Variants in DYNC1LI1 observed in about 807,000 individuals in gnomAD.
DYNC1LI1 encodes the protein dynein cytoplasmic 1 light intermediate chain 1.
DYNC1LI1 carries 19 observed loss-of-function variants against 63.8 expected under a neutral mutation model. That is an observed-to-expected ratio of 0.30 (90% CI 0.21 to 0.44). DYNC1LI1 has a LOEUF of 0.44. Among genes scored for constraint, DYNC1LI1 ranks in the 20% least tolerant of loss-of-function variants. The probability of loss-of-function intolerance (pLI) is 1.00; values close to 1 mark genes in which losing one functional copy is unlikely to be tolerated. For missense variants in DYNC1LI1, 565 were observed against 630.2 expected (o/e 0.90, Z 1.11); for synonymous variants, 225 against 232.3 (o/e 0.97, Z 0.28).
rs138620296 is a variant in DYNC1LI1, at chr3:32,558,121, C to A, written c.221-12156G>T. Among the ~76,000 whole-genome samples, 48 of 152,228 alleles carry A rather than the reference C, an allele frequency of 3.2e-4. 1 individual carries two copies. Among genetic ancestry groups the A allele is most frequent in the African/African-American group, 9.9e-4 (41 of 41,530 alleles). ...TGGTGGCACACACCTGTAGCCCCAGCTACTCAGGAGGCTGAGGTGGGAGAT... is the reference window on the plus strand; with the variant it reads ...TGGTGGCACACACCTGTAGCCCCAGATACTCAGGAGGCTGAGGTGGGAGAT... On this transcript the variant is annotated intron_variant, in intron 2 of 12. Transcript: ENST00000273130.
At chr3:32,569,817 A>T (rs1164887273) in intron 2 of DYNC1LI1, among the ~76,000 whole-genome samples, 2 of 152,226 alleles carry the variant, frequency 1.3e-5, no homozygotes, top group African/African-American at 2.4e-5. Context: ...TACAAATTTC[A>T]GAATTATATG....
chr3:32,554,863 A>ATTTTTTTTTTTTTTT (rs11434502), intron 2 of DYNC1LI1, among the ~76,000 whole-genome samples: 1 of 104,722 alleles, frequency 9.5e-6, no homozygotes, highest in Non-Finnish European at 1.8e-5. Context: ...AAATTTTTGA[A>ATTTTTTTTTTTTTTT]TTTTTTTTTT....
intron 6 of DYNC1LI1, among the ~76,000 whole-genome samples, 164 bp downstream of exon 6, chr3:32,536,847 T>C (rs1697780979): frequency 6.6e-6 from 1 of 152,102 alleles, no homozygotes; most frequent in African/African-American, 2.4e-5. Flanking sequence ...TCTCAAAATA[T>C]CCAAATGTAA....
At chr3:32,553,387 C>A (rs1698070258) in intron 2 of DYNC1LI1, among the ~76,000 whole-genome samples, 1 of 152,126 alleles carries the variant, frequency 6.6e-6, no homozygotes, top group African/African-American at 2.4e-5. Context: ...GCTATCAATT[C>A]AGTTGCAGCC....
chr3:32,554,802 A>G (rs1480135135), intron 2 of DYNC1LI1, among the ~76,000 whole-genome samples: 1 of 151,728 alleles, frequency 6.6e-6, no homozygotes, highest in African/African-American at 2.4e-5. Flanking sequence ...ATTTCTATCA[A>G]CCACTCTTCC....
At chr3:32,543,036 G>C (rs532387595) in intron 4 of DYNC1LI1, among the ~76,000 whole-genome samples, 100 of 152,274 alleles carry the variant, frequency 6.6e-4, no homozygotes, top group African/African-American at 2.4e-3. Flanking sequence ...ACAGATTACT[G>C]TTTCCACCCT....
In DYNC1LI1 at chr3:32,570,352, G is replaced by T; in HGVS notation, c.214C>A (p.Leu72Met). The T allele has an allele frequency of 2.5e-6, 4 of 1,601,258 alleles. No individual in the cohort carries two copies. Among genetic ancestry groups the T allele is most frequent in the Non-Finnish European group, 3.4e-6 (4 of 1,174,436 alleles). Residue 72 changes from leucine (L) to methionine (M), a missense_variant, in exon 2 of 13, where the codon CTG (leucine) becomes ATG (methionine). By Grantham distance (15) the Leu-to-Met change is conservative (BLOSUM62 2). Transcript: ENST00000273130. Reference sequence around the variant, plus strand: ...CGAGGCAGGGAACACTTACCCAGCAGTAGCACGTTCTTCCCCGCAGGGAGC... The same window carrying T: ...CGAGGCAGGGAACACTTACCCAGCATTAGCACGTTCTTCCCCGCAGGGAGC... ...SKLPAGKNVLLLGEDGAGKTS... is the reference protein window; with the variant it reads ...SKLPAGKNVLMLGEDGAGKTS...
At chr3:32,567,940 G>A (rs1290909047) in intron 2 of DYNC1LI1, among the ~76,000 whole-genome samples, 1 of 151,926 alleles carries the variant, frequency 6.6e-6, no homozygotes, top group East Asian at 1.9e-4. Context: ...CTAACTTCAG[G>A]TGATCCGCTC....
At position 32,563,445 on chromosome 3, in the gene DYNC1LI1, C is replaced by T. The variant is rs547902234; in HGVS notation, c.220+6901G>A. ...TGGCTGGGATTACAGGCACCCATCACCACACCTGGCTAATTTTTCTGTTTT... is the reference window on the plus strand; with the variant it reads ...TGGCTGGGATTACAGGCACCCATCATCACACCTGGCTAATTTTTCTGTTTT... On this transcript the variant is annotated intron_variant, in intron 2 of 12. Coordinates refer to ENST00000273130, the MANE Select transcript of DYNC1LI1 (RefSeq NM_016141.4). 2.6e-5 allele frequency among the ~76,000 whole-genome samples: 4 copies of T among 152,118 alleles called. No individual in the cohort carries two copies. In the South Asian group the frequency reaches 8.3e-4, roughly 32 times the overall value.
chr3:32,554,931 G>A (rs955760783), intron 2 of DYNC1LI1, among the ~76,000 whole-genome samples: 26 of 138,690 alleles, frequency 1.9e-4, no homozygotes, highest in Non-Finnish European at 3.0e-4. Flanking sequence ...GTGCAATAGC[G>A]CAATCTTGGC....
intron 2 of DYNC1LI1, among the ~76,000 whole-genome samples, chr3:32,547,471 TA>T (rs199703953): frequency 6.6e-6 from 1 of 151,288 alleles, no homozygotes; most frequent in Non-Finnish European, 1.5e-5. Context: ...CATGTTAAGC[TA>T]AAAAAAACAT....
rs1014679796 is a variant in DYNC1LI1, at chr3:32,526,084, T to G, written c.*715A>C. Reference sequence around the variant, plus strand: ...AGCCATATATATATATATATATGTATAGACAAATCCAAAGATTGTTACTTC... The same window carrying G: ...AGCCATATATATATATATATATGTAGAGACAAATCCAAAGATTGTTACTTC... On this transcript the variant is annotated 3_prime_UTR_variant, in exon 13 of 13. Transcript: ENST00000273130. The G allele has an allele frequency of 3.9e-5, 6 of 152,608 alleles. No homozygotes were observed. Among genetic ancestry groups the G allele is most frequent in the Non-Finnish European group, 5.9e-5 (4 of 68,018 alleles). The allele number at this position is 152,608 out of a possible 1,614,324, so 9.5% of individuals were successfully genotyped here.
Position 32,528,482 on chromosome 3 carries a change from C to A in DYNC1LI1, c.1426G>T (p.Gly476Ter). 6.2e-7 allele frequency: 1 copy of A among 1,614,104 alleles called. No homozygotes were observed. The highest frequency in any genetic ancestry group is 1.1e-5 in the South Asian group (1 of 91,080). Residue 476 changes from glycine to a stop codon, truncating the protein, a stop_gained, in exon 12 of 13, where the codon GGA (glycine) becomes TGA (stop). Transcript: ENST00000273130. LOFTEE classifies it high-confidence loss of function. ...GTGGATGGTGGTAAACCACTGCTTCCACCTCCAGCCCCACCTGCAGGGCTA... is the reference window on the plus strand; with the variant it reads ...GTGGATGGTGGTAAACCACTGCTTCAACCTCCAGCCCCACCTGCAGGGCTA... Reference protein sequence around the residue: ...GGSPAGGAGGGSSGLPPSTKK... With the variant: ...GGSPAGGAGG
chr3:32,559,564 G>A (rs916241009), intron 2 of DYNC1LI1, among the ~76,000 whole-genome samples: 1 of 152,032 alleles, frequency 6.6e-6, no homozygotes, highest in Non-Finnish European at 1.5e-5. Context: ...TTATACAGCA[G>A]TTTAAAAAAT....
chr3:32,551,271 G>A (rs1698034847), intron 2 of DYNC1LI1, among the ~76,000 whole-genome samples: 1 of 152,138 alleles, frequency 6.6e-6, no homozygotes, highest in African/African-American at 2.4e-5. Flanking sequence ...GTCAAATCTT[G>A]TACAGTTAAT....
chr3:32,565,132 ATATT>A (rs1471296760), intron 2 of DYNC1LI1, among the ~76,000 whole-genome samples: 3 of 152,212 alleles, frequency 2.0e-5, no homozygotes, highest in Non-Finnish European at 4.4e-5. Context: ...GCCCACATCT[ATATT>A]AATTAATTAA....
chr3:32,563,154 A>G (rs1026737995), intron 2 of DYNC1LI1, among the ~76,000 whole-genome samples: 3 of 152,150 alleles, frequency 2.0e-5, no homozygotes, highest in Non-Finnish European at 2.9e-5. Flanking sequence ...AGCATTTTAT[A>G]CATGACATGT....
intron 2 of DYNC1LI1, among the ~76,000 whole-genome samples, chr3:32,548,819 AT>A (rs1697994117): frequency 6.6e-6 from 1 of 152,190 alleles, no homozygotes; most frequent in South Asian, 2.1e-4. Flanking sequence ...TCCATAATGC[AT>A]ATATATACTC....
At chr3:32,531,097 G>A (rs11914299) in intron 8 of DYNC1LI1, 24,780 of 152,186 alleles carry the variant, frequency 0.16, 2,373 homozygotes, top group African/African-American at 0.27. Context: ...CACATACCCA[G>A]TCTATTTTCT....
Sources: allele counts gnomAD v4.1 joint callset (sites outside exome capture counted in the v4.1 genomes callset), GRCh38; gene constraint gnomAD v4.1.1; transcripts MANE v1.5; gene names NCBI Gene and HGNC (gene_info 2026-07-23, HGNC 2026-07-21).